GHR: variants seen among roughly 807,000 people sequenced by gnomAD.
GHR encodes the protein GH receptor.
GHR carries 35 observed loss-of-function variants against 67.1 expected under a neutral mutation model. The observed-to-expected ratio is 0.52, with a 90% CI of 0.40 to 0.69. The LOEUF is 0.69. GHR is among the 30% of genes least tolerant of loss of function. The pLI, the probability that GHR is intolerant of heterozygous loss-of-function variation, is 0.00. For synonymous variants in GHR, 272 were observed against 269.1 expected (o/e 1.01, Z -0.10); for missense variants, 792 against 764.6 (o/e 1.04, Z -0.42).
intron 6 of GHR, among the ~76,000 whole-genome samples, chr5:42,703,085 C>T (rs1334148681): frequency 2.6e-5 from 4 of 151,984 alleles, no homozygotes; most frequent in African/African-American, 9.7e-5. Context: ...TCTATTTCCA[C>T]TTTTGTTGCC....
chr5:42,441,872 TG>T lies in GHR; in HGVS notation c.-12+17921del, dbSNP rs1743594901. 3.9e-5 allele frequency among the ~76,000 whole-genome samples: 6 copies of T among 151,998 alleles called. No individual in the cohort carries two copies. The South Asian group carries it at 1.2e-3, about 32-fold the overall frequency. ...TTTGAACAATAATGGGGAAGACCAG[TG>T]GGGAGGATCAGGGGTGGCCTGAAGA... On this transcript the variant is annotated intron_variant, in intron 1 of 9. Transcript: ENST00000230882.
At chr5:42,686,972 C>G (rs934698707) in intron 3 of GHR, among the ~76,000 whole-genome samples, 4 of 152,222 alleles carry the variant, frequency 2.6e-5, no homozygotes, top group African/African-American at 7.2e-5. Context: ...TAAGCAACTT[C>G]AGCAAAGTCT....
chr5:42,645,841 G>C (rs769170399), intron 3 of GHR, among the ~76,000 whole-genome samples: 3 of 152,192 alleles, frequency 2.0e-5, no homozygotes, highest in Non-Finnish European at 4.4e-5. Context: ...TTCGCTGACC[G>C]ATTTCTAGGA....
intron 3 of GHR, among the ~76,000 whole-genome samples, chr5:42,629,987 T>A (rs1337459743): frequency 7.6e-6 from 1 of 131,636 alleles, no homozygotes; most frequent in Non-Finnish European, 1.6e-5. Context: ...TTTGACAATC[T>A]CCTCTTCAAC....
At chr5:42,477,770 A>C (rs1745407700) in intron 1 of GHR, among the ~76,000 whole-genome samples, 1 of 152,094 alleles carries the variant, frequency 6.6e-6, no homozygotes, top group Non-Finnish European at 1.5e-5. Flanking sequence ...TTCATTGTAG[A>C]TTCTGCATAT....
rs1046327303 is a variant in GHR, at chr5:42,513,367, A to G, written c.-11-52497A>G. Among the ~76,000 whole-genome samples, 11 of 152,310 alleles carry G rather than the reference A, an allele frequency of 7.2e-5. 1 individual carries two copies. In the South Asian group the frequency reaches 1.9e-3, roughly 26 times the overall value. ...ATCCAGCTCTAGTCTTCTCTCTCCC[A>G]TATAGAGGCCGGTTATCTTTGTCAC... is the stretch of plus-strand genomic sequence containing the variant. On this transcript the variant is annotated intron_variant, in intron 1 of 9. Transcript: ENST00000230882.
intron 1 of GHR, among the ~76,000 whole-genome samples, chr5:42,476,260 G>A (rs1294085766): frequency 3.4e-5 from 5 of 145,352 alleles, no homozygotes; most frequent in East Asian, 4.3e-4. Context: ...CTGCTCTGTC[G>A]CCCAGGCTGG....
At chr5:42,649,231 A>C (rs1352041352) in intron 3 of GHR, among the ~76,000 whole-genome samples, 3 of 152,196 alleles carry the variant, frequency 2.0e-5, no homozygotes, top group South Asian at 2.1e-4. Flanking sequence ...GTTTGATGTT[A>C]GTTTCCTTTC....
At position 42,597,614 on chromosome 5, in the gene GHR, T is replaced by C. The variant is rs1451384965; in HGVS notation, c.71-31424T>C. ...AAATCTCTTTCAGTGGCCAGGGAAA[T>C]TATCAGCCTGAAGGCAGGCTGAATG... On this transcript the variant is annotated intron_variant, in intron 2 of 9. Transcript: ENST00000230882. Among the ~76,000 whole-genome samples, 4 of 152,180 alleles carry C rather than the reference T, an allele frequency of 2.6e-5. No individual in the cohort carries two copies. The East Asian group carries it at 7.7e-4, about 29-fold the overall frequency.
chr5:42,508,984 G>A (rs1454450447), intron 1 of GHR, among the ~76,000 whole-genome samples: 3 of 152,190 alleles, frequency 2.0e-5, no homozygotes, highest in East Asian at 1.9e-4. Context: ...GTATCTATGG[G>A]TGGTTATTTG....
intron 1 of GHR, among the ~76,000 whole-genome samples, chr5:42,561,886 G>C (rs148074266): frequency 6.6e-6 from 1 of 152,116 alleles, no homozygotes; most frequent in Non-Finnish European, 1.5e-5. Flanking sequence ...AGATTCCTCC[G>C]AACAATGCCA....
At chr5:42,610,210 A>C (rs1025100277) in intron 2 of GHR, among the ~76,000 whole-genome samples, 2 of 152,178 alleles carry the variant, frequency 1.3e-5, no homozygotes, top group Non-Finnish European at 2.9e-5. Context: ...CTGGATGCCA[A>C]GACTAGCTGT....
intron 3 of GHR, among the ~76,000 whole-genome samples, chr5:42,680,274 G>T (rs1429951602): frequency 6.6e-6 from 1 of 152,104 alleles, no homozygotes; most frequent in Non-Finnish European, 1.5e-5. Flanking sequence ...CCTCACTTTG[G>T]CTTATGTTCA....
intron 2 of GHR, among the ~76,000 whole-genome samples, chr5:42,576,285 G>A (rs1750740502): frequency 1.3e-5 from 2 of 152,036 alleles, no homozygotes; most frequent in Admixed American, 1.3e-4. Flanking sequence ...AAAATGACTT[G>A]TTTAAAAAGG....
intron 1 of GHR, among the ~76,000 whole-genome samples, chr5:42,537,599 G>T (rs1315069644): frequency 1.3e-5 from 2 of 152,116 alleles, no homozygotes; most frequent in African/African-American, 4.8e-5. Context: ...CTTGGAGAAA[G>T]TTCCATGCAC....
chr5:42,630,490 C>T (rs1753883238), intron 3 of GHR, among the ~76,000 whole-genome samples: 1 of 131,748 alleles, frequency 7.6e-6, no homozygotes, highest in Non-Finnish European at 1.6e-5. Context: ...GAGATTTTAA[C>T]ATTATTTCCT....
chr5:42,681,076 A>G (rs1328194321), intron 3 of GHR, among the ~76,000 whole-genome samples: 1 of 152,140 alleles, frequency 6.6e-6, no homozygotes, highest in African/African-American at 2.4e-5. Context: ...CTAAAACACC[A>G]AAAACAATGG....
At chr5:42,562,005 G>A (rs1390567777) in intron 1 of GHR, among the ~76,000 whole-genome samples, 1 of 152,048 alleles carries the variant, frequency 6.6e-6, no homozygotes, top group African/African-American at 2.4e-5. Context: ...GGCAAAAAGG[G>A]CTTGGCAGAG....
intron 3 of GHR, among the ~76,000 whole-genome samples, chr5:42,661,792 T>C (rs534147443): frequency 0.016 from 2,408 of 152,284 alleles, 23 homozygotes; most frequent in Middle Eastern, 0.051. Flanking sequence ...ATGCTCCAAT[T>C]AAAAGACACA....
Sources: allele counts gnomAD v4.1 joint callset (sites outside exome capture counted in the v4.1 genomes callset), GRCh38; gene constraint gnomAD v4.1.1; transcripts MANE v1.5; gene names NCBI Gene and HGNC (gene_info 2026-07-23, HGNC 2026-07-21).